RANBP2: variants seen among roughly 807,000 people sequenced by gnomAD.
The protein encoded by RANBP2 is RAN binding protein 2, also known as E3 SUMO-protein ligase RanBP2.
A neutral mutation model predicts 303.6 loss-of-function variants in RANBP2; 57 were observed. The observed-to-expected ratio is 0.19, with a 90% CI of 0.15 to 0.23. The LOEUF (loss-of-function observed/expected upper bound fraction) is 0.23, where lower values mean the gene tolerates loss of function less well. Ranked by LOEUF, RANBP2 falls within the 10% of genes least tolerant of loss-of-function variation. The pLI is 1.00. For synonymous variants in RANBP2, 1,167 were observed against 1,301.5 expected (o/e 0.90, Z 2.23); for missense variants, 3,138 against 3,780.8 (o/e 0.83, Z 4.46).
At chr2:109,354,810 C>T in the RANBP2 span, among the ~76,000 whole-genome samples, 1 of 152,234 alleles carries the variant, frequency 6.6e-6, no homozygotes, top group Non-Finnish European at 1.5e-5. Flanking sequence ...AGTGAAAACA[C>T]AGACTTTGGA....
chr2:109,721,234 G>A, the RANBP2 span, among the ~76,000 whole-genome samples: 1 of 152,264 alleles, frequency 6.6e-6, no homozygotes, highest in South Asian at 2.1e-4. Flanking sequence ...TTGTGTACAC[G>A]CTGCGGCTTT....
chr2:108,926,803 G>T, the RANBP2 span, among the ~76,000 whole-genome samples: 1 of 152,234 alleles, frequency 6.6e-6, no homozygotes, highest in Non-Finnish European at 1.5e-5. Context: ...GCCCAGGAGA[G>T]ACTGGGACAA....
At chr2:109,078,826 C>CAAA in the RANBP2 span, among the ~76,000 whole-genome samples, 2,433 of 105,374 alleles carry the variant, frequency 0.023, 73 homozygotes, top group African/African-American at 0.072. Flanking sequence ...ACTAAAAATA[C>CAAA]AAAAAAAAAA....
chr2:109,511,744 G>T, the RANBP2 span, among the ~76,000 whole-genome samples: 1 of 152,210 alleles, frequency 6.6e-6, no homozygotes, highest in Non-Finnish European at 1.5e-5. Context: ...CTATGGAATT[G>T]CTCCACAAGT....
chr2:109,445,757 G>T, the RANBP2 span, among the ~76,000 whole-genome samples: 2 of 152,262 alleles, frequency 1.3e-5, no homozygotes, highest in Admixed American at 1.3e-4. Context: ...AAGTAGAGAG[G>T]GGGGTTGGCT....
the RANBP2 span, among the ~76,000 whole-genome samples, chr2:109,482,591 AAG>A: frequency 7.2e-5 from 11 of 152,154 alleles, no homozygotes; most frequent in East Asian, 1.9e-4. Context: ...CATGACCCCT[AAG>A]AGGGGGAGAG....
the RANBP2 span, among the ~76,000 whole-genome samples, chr2:109,516,620 T>C: frequency 1.3e-5 from 2 of 152,078 alleles, no homozygotes; most frequent in Non-Finnish European, 2.9e-5. Context: ...AGGCTTTCAT[T>C]ACTGAAGAAG....
At chr2:109,693,477 A>G in the RANBP2 span, among the ~76,000 whole-genome samples, 1 of 152,072 alleles carries the variant, frequency 6.6e-6, no homozygotes, top group Non-Finnish European at 1.5e-5. Context: ...CTGGTGGCAG[A>G]TAATTGAATC....
the RANBP2 span, among the ~76,000 whole-genome samples, chr2:108,979,944 C>T: frequency 5.9e-5 from 9 of 151,990 alleles, no homozygotes; most frequent in African/African-American, 1.9e-4. Context: ...ATTATCCTGG[C>T]TGAGATGAGG....
the RANBP2 span, among the ~76,000 whole-genome samples, chr2:109,678,598 G>A: frequency 6.6e-6 from 1 of 152,230 alleles, no homozygotes; most frequent in Non-Finnish European, 1.5e-5. Flanking sequence ...ATATACTTAA[G>A]TTCCTTGAAA....
intron 7 of RANBP2, among the ~76,000 whole-genome samples, chr2:108,743,375 TC>T (rs1696271671): frequency 6.6e-6 from 1 of 152,138 alleles, no homozygotes; most frequent in Non-Finnish European, 1.5e-5. Flanking sequence ...GCTCAAGTGA[TC>T]CTCTCCTGCT....
the RANBP2 span, among the ~76,000 whole-genome samples, chr2:108,914,986 C>T: frequency 6.6e-6 from 1 of 152,254 alleles, no homozygotes; most frequent in African/African-American, 2.4e-5. Flanking sequence ...GATCTTGGCT[C>T]ACTGCAACCT....
At chr2:108,826,304 C>T in the RANBP2 span, among the ~76,000 whole-genome samples, 2 of 152,100 alleles carry the variant, frequency 1.3e-5, no homozygotes, top group Non-Finnish European at 2.9e-5. Context: ...GTATGTTTTG[C>T]ATCATGTTTA....
At chr2:109,729,113 A>G in the RANBP2 span, among the ~76,000 whole-genome samples, 4 of 152,190 alleles carry the variant, frequency 2.6e-5, no homozygotes, top group South Asian at 8.3e-4. Flanking sequence ...GGAGGAGCAC[A>G]CTGCCCTGGG....
chr2:109,616,966 T>C, the RANBP2 span: 2 of 166,948 alleles, frequency 1.2e-5, no homozygotes, highest in Admixed American at 6.5e-5. Context: ...ATTGTTCTAT[T>C]TGGCATAACC....
chr2:109,670,319 TG>T, the RANBP2 span, among the ~76,000 whole-genome samples: 1 of 9,008 alleles, frequency 1.1e-4, no homozygotes. Flanking sequence ...AGAGTGGGGG[TG>T]GGGGTGGGGG....
At chr2:109,556,280 CAG>C in the RANBP2 span, among the ~76,000 whole-genome samples, 1 of 152,186 alleles carries the variant, frequency 6.6e-6, no homozygotes, top group South Asian at 2.1e-4. Flanking sequence ...AAAGGTTTGA[CAG>C]AGAATACAAA....
chr2:109,155,098 C>G, the RANBP2 span, among the ~76,000 whole-genome samples: 1 of 152,166 alleles, frequency 6.6e-6, no homozygotes, highest in South Asian at 2.1e-4. Flanking sequence ...GGCAAGGGTT[C>G]CATGAGCCAC....
chr2:109,115,975 T>C, the RANBP2 span, among the ~76,000 whole-genome samples: 2 of 152,394 alleles, frequency 1.3e-5, no homozygotes, highest in East Asian at 3.9e-4. Flanking sequence ...CTCTTCTGGC[T>C]TGTAGAGTTT....
Sources: gnomAD v4.1 joint callset for allele counts (sites outside exome capture counted in the v4.1 genomes callset) on GRCh38, gnomAD v4.1.1 for gene constraint, MANE v1.5 for transcripts, NCBI Gene and HGNC (gene_info 2026-07-23, HGNC 2026-07-21) for gene names.